The following PYGL variants were observed in gnomAD, a reference collection of about 807,000 sequenced individuals.
The protein encoded by PYGL is glycogen phosphorylase L.
PYGL carries 90 observed loss-of-function variants against 100.1 expected under a neutral mutation model. That is an observed-to-expected ratio of 0.90 (90% confidence interval 0.76 to 1.07). The LOEUF (loss-of-function observed/expected upper bound fraction) is 1.07, where lower values mean the gene tolerates loss of function less well. Ranked by LOEUF, PYGL falls within the 50% of genes least tolerant of loss-of-function variation. The pLI, the probability that PYGL is intolerant of heterozygous loss-of-function variation, is 0.00. For synonymous variants in PYGL, 373 were observed against 393.0 expected (o/e 0.95, Z 0.60); for missense variants, 1,016 against 1,057.6 (o/e 0.96, Z 0.55).
intron 3 of PYGL, among the ~76,000 whole-genome samples, chr14:50,934,344 T>A (rs1370220781): frequency 6.6e-6 from 1 of 152,068 alleles, no homozygotes; most frequent in Non-Finnish European, 1.5e-5. Flanking sequence ...AGTCTACCAC[T>A]GAAAAAATAA....
At chr14:50,924,205 TTA>T in intron 4 of PYGL, 105 bp from the exon 5 acceptor site, 1 of 1,330,338 alleles carries the variant, frequency 7.5e-7, no homozygotes, top group Non-Finnish European at 1.0e-6. Context: ...CTGAAACAAC[TTA>T]TGAATACTGA....
intron 17 of PYGL, 111 bp downstream of exon 17, chr14:50,909,784 A>T: frequency 8.1e-7 from 1 of 1,238,784 alleles, no homozygotes; most frequent in Non-Finnish European, 1.2e-6. Flanking sequence ...GCCACCTCTT[A>T]TGTGATCCAA....
At chr14:50,929,534 G>A (rs1284924548) in intron 4 of PYGL, among the ~76,000 whole-genome samples, 1 of 152,104 alleles carries the variant, frequency 6.6e-6, no homozygotes, top group Admixed American at 6.5e-5. Flanking sequence ...TAAAACGTAA[G>A]GGGAAAATAT....
rs2050491545 is a variant in PYGL, at chr14:50,920,619, A to G, written c.777T>C (p.Asn259=). ...APNDFNLRDF[N]VGDYIQAVLD... is the part of the protein sequence containing the mutation. ...GCACAGCCTGAATGTAGTCTCCAACATTAACTAGGGGAAAGTTAGAGAAAC... is the reference window on the plus strand; with the variant it reads ...GCACAGCCTGAATGTAGTCTCCAACGTTAACTAGGGGAAAGTTAGAGAAAC... Residue 259 remains asparagine (N), a synonymous_variant, in exon 7 of 20, where the codon AAT becomes AAC. Coordinates refer to ENST00000216392, the MANE Select transcript of PYGL (RefSeq NM_002863.5). The G allele has an allele frequency of 4.3e-6, 7 of 1,609,408 alleles. No individual in the cohort carries two copies. Among genetic ancestry groups the G allele is most frequent in the Admixed American group, 1.7e-5 (1 of 59,984 alleles).
intron 6 of PYGL, 134 bp from the exon 7 acceptor site, chr14:50,920,757 C>T: frequency 9.2e-7 from 1 of 1,088,080 alleles, no homozygotes; most frequent in Non-Finnish European, 1.4e-6. Context: ...GATTTCAACA[C>T]ACCGTCATGC....
Position 50,914,694 on chromosome 14 carries a change from C to T in PYGL, c.1518+7G>A, listed in dbSNP as rs377059562. ...GGCCTCCTTTCCTCTCAGCACTTCC[C>T]AGTTACCTCTGCTATGAGCTCTGCA... On this transcript the variant is annotated splice_region_variant and intron_variant, in intron 12 of 19. Transcript: ENST00000216392. The T allele has an allele frequency of 6.2e-7, 1 of 1,604,482 alleles. No homozygotes were observed. The highest frequency in any genetic ancestry group is 1.3e-5 in the African/African-American group (1 of 74,658).
chr14:50,941,117 G>A (rs935868251), intron 1 of PYGL, among the ~76,000 whole-genome samples: 1 of 152,236 alleles, frequency 6.6e-6, no homozygotes, highest in Non-Finnish European at 1.5e-5. Flanking sequence ...TGATAATTGA[G>A]CAGGGGCAAG....
chr14:50,915,697 G>T lies in PYGL; in HGVS notation c.1239+128C>A, dbSNP rs985013921. ...AAAAAGCTGCCTTTGTTGGAGCCCC[G>T]TTCGGACTTGAGTACTTTTGCTGTA... On this transcript the variant is annotated intron_variant, in intron 10 of 19. Coordinates refer to ENST00000216392, the MANE Select transcript of PYGL (RefSeq NM_002863.5). 9.7e-6 allele frequency: 14 copies of T among 1,439,274 alleles called. 1 individual carries two copies. The highest frequency in any genetic ancestry group is 1.2e-5 in the Non-Finnish European group (13 of 1,053,890). 89.2% of individuals were successfully genotyped at this position (1,439,274 alleles called of 1,614,324 possible).
intron 3 of PYGL, among the ~76,000 whole-genome samples, chr14:50,932,012 A>C (rs536767373): frequency 6.6e-6 from 1 of 152,334 alleles, no homozygotes; most frequent in Admixed American, 6.5e-5. Flanking sequence ...AAAGAAGAAA[A>C]TCTCATCTAT....
At chr14:50,932,045 T>C (rs77183091) in intron 3 of PYGL, among the ~76,000 whole-genome samples, 2 of 152,276 alleles carry the variant, frequency 1.3e-5, no homozygotes, top group East Asian at 3.9e-4. Context: ...TAGAAATAAC[T>C]ATTGTGTACA....
chr14:50,939,034 T>TAA (rs1461498264), intron 1 of PYGL, among the ~76,000 whole-genome samples: 10 of 152,098 alleles, frequency 6.6e-5, no homozygotes, highest in African/African-American at 2.2e-4. Context: ...ATTAATTAAT[T>TAA]TATTTATTTA....
intron 4 of PYGL, among the ~76,000 whole-genome samples, chr14:50,925,667 AG>A (rs2050540945): frequency 1.3e-5 from 2 of 152,224 alleles, no homozygotes; most frequent in African/African-American, 4.8e-5. Flanking sequence ...AATGAATACA[AG>A]TTCACTTATT....
chr14:50,905,765 A>T (rs532064521), intron 19 of PYGL, among the ~76,000 whole-genome samples: 2 of 152,252 alleles, frequency 1.3e-5, no homozygotes, highest in Non-Finnish European at 2.9e-5. Context: ...TAGGAATGAA[A>T]AAAAGGTATT....
rs752563721 is a variant in PYGL, at chr14:50,944,428, G to T, written c.-25C>A. The T allele has an allele frequency of 1.9e-6, 3 of 1,587,504 alleles. No homozygotes were observed. The highest frequency in any genetic ancestry group is 2.6e-6 in the Non-Finnish European group (3 of 1,170,000). ...TGGCTGGGGCGGCGGGCTGCGCGGC[G>T]GGCTGCGCAGAGAGCTGGAAGTGCG... is the stretch of plus-strand genomic sequence containing the variant. On this transcript the variant is annotated 5_prime_UTR_variant, in exon 1 of 20. Transcript: ENST00000216392.
At chr14:50,918,455 C>T (rs116192183) in intron 7 of PYGL, among the ~76,000 whole-genome samples, 2,301 of 152,208 alleles carry the variant, frequency 0.015, 58 homozygotes, top group African/African-American at 0.053. Context: ...CAACCAACAA[C>T]AATATGTGGT....
chr14:50,919,534 T>C (rs1342451647), intron 7 of PYGL, among the ~76,000 whole-genome samples: 1 of 152,222 alleles, frequency 6.6e-6, no homozygotes, highest in African/African-American at 2.4e-5. Flanking sequence ...GCTAATTTTA[T>C]TGCTTCTGAG....
rs761729745 is a variant in PYGL, at chr14:50,911,743, A to G, written c.1956T>C (p.Ser652=). 6.2e-7 allele frequency: 1 copy of G among 1,614,062 alleles called. No homozygotes were observed. The highest frequency in any genetic ancestry group is 8.5e-7 in the Non-Finnish European group (1 of 1,180,032). The part of the protein sequence containing the change: ...KVIFLENYRV[S]LAEKVIPATD... ...TGAGGGTAGTACCTTTTTCAGCAAGAGATACTCTGTAGTTCTCCAAGAAGA... is the reference window on the plus strand; with the variant it reads ...TGAGGGTAGTACCTTTTTCAGCAAGGGATACTCTGTAGTTCTCCAAGAAGA... The change falls in exon 16 of 20, where the codon TCT becomes TCC. Residue 652 remains serine, a synonymous_variant. Transcript: ENST00000216392.
At chr14:50,919,477 T>C (rs1300418058) in intron 7 of PYGL, among the ~76,000 whole-genome samples, 1 of 152,232 alleles carries the variant, frequency 6.6e-6, no homozygotes, top group Non-Finnish European at 1.5e-5. Context: ...ATTTATGTCC[T>C]AGTCCCCCCA....
intron 5 of PYGL, among the ~76,000 whole-genome samples, chr14:50,922,402 T>C (rs1276507294): frequency 6.6e-6 from 1 of 152,154 alleles, no homozygotes; most frequent in Non-Finnish European, 1.5e-5. Context: ...TAAATCACCC[T>C]CATTTAAATA....
Sources: allele counts gnomAD v4.1 joint callset (sites outside exome capture counted in the v4.1 genomes callset), GRCh38; gene constraint gnomAD v4.1.1; transcripts MANE v1.5; gene names NCBI Gene and HGNC (gene_info 2026-07-23, HGNC 2026-07-21).